SCAF8: variants seen among roughly 807,000 people sequenced by gnomAD.
The protein encoded by SCAF8 is SR-related CTD associated factor 8.
SCAF8 carries 23 observed loss-of-function variants against 140.5 expected under a neutral mutation model. The observed-to-expected ratio is 0.16, with a 90% confidence interval of 0.12 to 0.23. SCAF8 has a LOEUF of 0.23. SCAF8 is among the 10% of genes least tolerant of loss of function. SCAF8 has a pLI of 1.00. For missense variants in SCAF8, 1,397 were observed against 1,555.7 expected (o/e 0.90, Z 1.72); for synonymous variants, 575 against 528.9 (o/e 1.09, Z -1.20).
intron 1 of SCAF8, among the ~76,000 whole-genome samples, chr6:154,773,597 A>T (rs1305776761): frequency 6.6e-6 from 1 of 152,196 alleles, no homozygotes; most frequent in Non-Finnish European, 1.5e-5. Flanking sequence ...CTTTGTGAAT[A>T]CATGTTCTCA....
chr6:154,805,278 ATTGAC>A (rs1777880588), intron 8 of SCAF8, 86 bp from the exon 9 acceptor site: 2 of 694,430 alleles, frequency 2.9e-6, no homozygotes, highest in East Asian at 2.5e-5. Context: ...GTTTTATTGA[ATTGAC>A]TTTTTTGTTT....
intron 1 of SCAF8, among the ~76,000 whole-genome samples, chr6:154,750,983 A>T (rs1293464775): frequency 1.3e-5 from 2 of 152,190 alleles, no homozygotes; most frequent in Non-Finnish European, 2.9e-5. Flanking sequence ...AATTGAAATT[A>T]AAGGAAGGTG....
At chr6:154,827,841 G>GA (rs1778612730) in intron 18 of SCAF8, among the ~76,000 whole-genome samples, 1 of 145,742 alleles carries the variant, frequency 6.9e-6, no homozygotes. Context: ...GGGCGGGGGG[G>GA]GGGGCGGTGT....
At chr6:154,807,496 C>T (rs957132265) in intron 9 of SCAF8, among the ~76,000 whole-genome samples, 2 of 152,200 alleles carry the variant, frequency 1.3e-5, no homozygotes, top group East Asian at 1.9e-4. Context: ...TTCTCTGCCT[C>T]AGCCTCCTGA....
At position 154,733,485 on chromosome 6, in the gene SCAF8, C is replaced by G; in HGVS notation, c.-416C>G. The G allele has an allele frequency of 7.5e-7, 1 of 1,329,646 alleles. No homozygotes were observed. Among genetic ancestry groups the G allele is most frequent in the Non-Finnish European group, 9.6e-7 (1 of 1,043,140 alleles). 82.4% of individuals were successfully genotyped at this position (1,329,646 alleles called of 1,614,324 possible). A position where few individuals can be genotyped will look rare whatever the true frequency, so the allele number is the denominator to read the frequency against. ...CTTCGCCGAGCGGGGCTGGTTCCTG[C>G]GGCCCGAGCGGCGGGGAGGTGAAAC... On this transcript the variant is annotated 5_prime_UTR_variant, in exon 1 of 20. Transcript: ENST00000367178.
intron 1 of SCAF8, among the ~76,000 whole-genome samples, chr6:154,767,620 A>G (rs1389947768): frequency 2.1e-5 from 3 of 144,366 alleles, no homozygotes; most frequent in Middle Eastern, 3.5e-3. Flanking sequence ...GCTCACAGCA[A>G]CCTGTGCCTC....
intron 1 of SCAF8, among the ~76,000 whole-genome samples, chr6:154,749,515 A>ATATGATGAAAAGTAATATGAGGAGCAT: frequency 6.6e-6 from 1 of 152,164 alleles, no homozygotes; most frequent in Non-Finnish European, 1.5e-5. Context: ...GGGGCTGGGA[A>ATATGATGAAAAGTAATATGAGGAGCAT]TATGATGAAA....
chr6:154,823,157 G>A (rs1778468001), intron 16 of SCAF8, among the ~76,000 whole-genome samples: 1 of 152,152 alleles, frequency 6.6e-6, no homozygotes, highest in Non-Finnish European at 1.5e-5. Context: ...AAGTGGGCTA[G>A]AATAAAGCCA....
At chr6:154,790,533 C>T (rs558827356) in intron 4 of SCAF8, among the ~76,000 whole-genome samples, 17 of 79,732 alleles carry the variant, frequency 2.1e-4, no homozygotes, top group Middle Eastern at 0.015. Flanking sequence ...TTTTTTGAGA[C>T]GGAGTCTCGC....
chr6:154,769,002 G>T (rs553364154), intron 1 of SCAF8, among the ~76,000 whole-genome samples: 1 of 148,770 alleles, frequency 6.7e-6, no homozygotes, highest in Non-Finnish European at 1.5e-5. Flanking sequence ...GACGGAGGTT[G>T]CAGTGAGCTG....
chr6:154,781,521 G>C (rs1264313586), intron 3 of SCAF8, among the ~76,000 whole-genome samples: 1 of 152,218 alleles, frequency 6.6e-6, no homozygotes, highest in East Asian at 1.9e-4. Flanking sequence ...AAAAGGGCCT[G>C]TATAGCGAAG....
Position 154,777,986 on chromosome 6 carries a change from T to G in SCAF8, c.115-15T>G. On this transcript the variant is annotated splice_polypyrimidine_tract_variant and intron_variant, in intron 2 of 19. Transcript: ENST00000367178. ...ACTGATTTTAAAACCATACTTCATT[T>G]TTTTCCTCTTTTAGTTCTATAAACA... is the stretch of plus-strand genomic sequence containing the variant. 1 of 1,464,158 alleles carries G rather than the reference T, an allele frequency of 6.8e-7. No homozygotes were observed. 90.7% of individuals were successfully genotyped at this position (1,464,158 alleles called of 1,614,324 possible).
chr6:154,735,268 A>T (rs1778385017), intron 1 of SCAF8, among the ~76,000 whole-genome samples: 1 of 152,172 alleles, frequency 6.6e-6, no homozygotes, highest in Non-Finnish European at 1.5e-5. Context: ...TTAAAATACG[A>T]GGCTTTTTGC....
In SCAF8 at chr6:154,733,970, C is replaced by T. The variant is rs1267636609; in HGVS notation, c.30+40C>T. 5 of 1,501,776 alleles carry T rather than the reference C, an allele frequency of 3.3e-6. No homozygotes were observed. The African/African-American group carries it at 5.9e-5, about 18-fold the overall frequency. 93.0% of individuals were successfully genotyped at this position (1,501,776 alleles called of 1,614,324 possible). ...CGGGTTCCCCTGCTCCTGCCCGCAC[C>T]GCCCCCACCCCTGGTCGAGGCCGGG... On this transcript the variant is annotated intron_variant, in intron 1 of 19. Coordinates refer to ENST00000367178, the MANE Select transcript of SCAF8 (RefSeq NM_014892.5).
At chr6:154,740,460 T>C (rs1052984243) in intron 1 of SCAF8, among the ~76,000 whole-genome samples, 8 of 152,162 alleles carry the variant, frequency 5.3e-5, no homozygotes, top group Non-Finnish European at 8.8e-5. Flanking sequence ...TTTCTTCCAG[T>C]GATCATAGCA....
chr6:154,769,249 C>T (rs1401192860), intron 1 of SCAF8, among the ~76,000 whole-genome samples: 1 of 152,062 alleles, frequency 6.6e-6, no homozygotes, highest in Non-Finnish European at 1.5e-5. Flanking sequence ...ATAAGAGTTG[C>T]TTTTAAGACT....
intron 6 of SCAF8, among the ~76,000 whole-genome samples, chr6:154,797,060 CTT>C (rs754541759): frequency 1.3e-4 from 20 of 151,312 alleles, no homozygotes; most frequent in Non-Finnish European, 2.4e-4. Flanking sequence ...TTTTTCAATT[CTT>C]TTTTGGTTAT....
At chr6:154,782,238 C>G (rs898577732) in intron 3 of SCAF8, among the ~76,000 whole-genome samples, 1 of 152,070 alleles carries the variant, frequency 6.6e-6, no homozygotes, top group African/African-American at 2.4e-5. Context: ...AAAACCCTGT[C>G]CCAGCCTAAA....
At chr6:154,801,118 G>A (rs1441228018) in intron 6 of SCAF8, among the ~76,000 whole-genome samples, 1 of 151,242 alleles carries the variant, frequency 6.6e-6, no homozygotes, top group Non-Finnish European at 1.5e-5. Context: ...GGGGAAATAC[G>A]GTGTTTCTAT....
Sources: gnomAD v4.1 joint callset for allele counts (sites outside exome capture counted in the v4.1 genomes callset) on GRCh38, gnomAD v4.1.1 for gene constraint, MANE v1.5 for transcripts, NCBI Gene and HGNC (gene_info 2026-07-23, HGNC 2026-07-21) for gene names.